Variants in DLX2 observed in about 807,000 individuals in gnomAD.
The protein encoded by DLX2 is distal-less homeobox 2, also known as homeobox protein DLX-2.
Under a neutral mutation model 27.4 loss-of-function variants are expected in DLX2, and 8 were observed. That is an observed-to-expected ratio of 0.29 (90% confidence interval 0.17 to 0.53). The LOEUF (loss-of-function observed/expected upper bound fraction) is 0.53. DLX2 is among the 20% of genes least tolerant of loss of function. The pLI is 0.96. For synonymous variants in DLX2, 210 were observed against 200.8 expected (o/e 1.05, Z -0.39); for missense variants, 421 against 450.9 (o/e 0.93, Z 0.60).
chr2:172,102,517 G>C lies in DLX2; in HGVS notation c.22C>G (p.Leu8Val). 1 of 1,542,552 alleles carries C rather than the reference G, an allele frequency of 6.5e-7. No individual in the cohort carries two copies. The highest frequency in any genetic ancestry group is 8.7e-7 in the Non-Finnish European group (1 of 1,144,306). The part of the protein sequence containing the change: MTGVFDS[L>V]VADMHSTQIA... Reference sequence around the variant, plus strand: ...TGGGTCGAGTGCATATCAGCCACTAGACTGTCAAAGACTCCAGTCATCCTG... The same window carrying C: ...TGGGTCGAGTGCATATCAGCCACTACACTGTCAAAGACTCCAGTCATCCTG... The change falls in exon 1 of 3, where the codon CTA (leucine) becomes GTA (valine). Residue 8 changes from leucine (L) to valine (V), a missense_variant. By Grantham distance (32) the Leu-to-Val change is conservative. Coordinates refer to ENST00000234198, the MANE Select transcript of DLX2 (RefSeq NM_004405.4).
rs973285720 is a variant in DLX2 at position 172,100,057 on chromosome 2, G to A, written c.*486C>T. The A allele has an allele frequency of 2.6e-5, 4 of 152,904 alleles. No individual in the cohort carries two copies. The highest frequency in any genetic ancestry group is 9.6e-5 in the African/African-American group (4 of 41,466). The allele number at this position is 152,904 out of a possible 1,614,324, so 9.5% of individuals were successfully genotyped here. On this transcript the variant is annotated 3_prime_UTR_variant, in exon 3 of 3. Coordinates refer to ENST00000234198, the MANE Select transcript of DLX2 (RefSeq NM_004405.4). The surrounding 1 kb of genome is among the most constrained non-coding windows in gnomAD (Gnocchi z 4.5). ...AAGCGGCGGGGCCGCCCGGGTCAAG[G>A]GGCCACGTGGGGGAGGGCGGGCAGG...
At position 172,102,407 on chromosome 2, in the gene DLX2, G is replaced by A; in HGVS notation, c.132C>T (p.Ser44=). The A allele has an allele frequency of 6.4e-7, 1 of 1,551,072 alleles. No homozygotes were observed. The highest frequency in any genetic ancestry group is 8.7e-7 in the Non-Finnish European group (1 of 1,147,328). The change falls in exon 1 of 3, where the codon AGC becomes AGT. Residue 44 remains serine, a synonymous_variant. Transcript: ENST00000234198. The part of the protein sequence containing the change: ...GAGPGGNSSS[S]SSLHKPQESP... ...ACTCCTGGGGCTTGTGGAGGCTGCT[G>A]CTGCTGCTGCTGTTGCCACCCGGGC...
At position 172,101,497 on chromosome 2, in the gene DLX2, C is replaced by G; in HGVS notation, c.550G>C (p.Glu184Gln). 1 of 1,610,732 alleles carries G rather than the reference C, an allele frequency of 6.2e-7. No individual in the cohort carries two copies. The highest frequency in any genetic ancestry group is 8.5e-7 in the Non-Finnish European group (1 of 1,178,372). Residue 184 changes from glutamate (E) to glutamine (Q), a missense_variant, in exon 2 of 3, where the codon GAG becomes CAG. Glu to Gln is a conservative substitution (Grantham distance 29). This residue lies in a region of DLX2 where 36 missense variants were observed against 73.6 expected (regional missense o/e 0.49). Transcript: ENST00000234198. ...GTGAGGCCCAGAGAGGCCGCCAGCTCGGCTCGCTCCGGCAAGGCCAAGTAT... is the reference window on the plus strand; with the variant it reads ...GTGAGGCCCAGAGAGGCCGCCAGCTGGGCTCGCTCCGGCAAGGCCAAGTAT... The part of the protein sequence containing the change: ...TQYLALPERA[E>Q]LAASLGLTQT...
intron 2 of DLX2, chr2:172,101,222 A>G: frequency 1.6e-6 from 1 of 616,742 alleles, no homozygotes. Context: ...TCACCCGCTT[A>G]ATCAGTAGCG....
In DLX2 at chr2:172,100,886, T is replaced by G; in HGVS notation, c.644A>C (p.Glu215Ala). 1 of 1,612,950 alleles carries G rather than the reference T, an allele frequency of 6.2e-7. No individual in the cohort carries two copies. The highest frequency in any genetic ancestry group is 8.5e-7 in the Non-Finnish European group (1 of 1,179,878). Residue 215 changes from glutamate (E) to alanine (A), a missense_variant, in exon 3 of 3, where the codon GAG (glutamate) becomes GCG (alanine). Coordinates refer to ENST00000234198, the MANE Select transcript of DLX2 (RefSeq NM_004405.4). This position sits in a 1 kb window ranked among gnomAD's most constrained non-coding sequence, Gnocchi z 4.5. ...SKFKKMWKSG[E>A]IPSEQHPGAS... ...CCCAGGGTGCTGCTCCGAGGGGATC[T>G]CACCACTTTTCCACATCTTCTTGAA...
Position 172,102,235 on chromosome 2 carries a change from A to G in DLX2, c.304T>C (p.Tyr102His). ...YQASGLNNVP[Y>H]SAKSSYDLGY... is the part of the protein sequence containing the mutation. ...AGGTCATAGCTGCTCTTGGCGGAGTAAGGGACGTTGTTGAGGCCGCTGGCT... is the reference window on the plus strand; with the variant it reads ...AGGTCATAGCTGCTCTTGGCGGAGTGAGGGACGTTGTTGAGGCCGCTGGCT... The change falls in exon 1 of 3, where the codon TAC becomes CAC. Residue 102 changes from tyrosine (Y) to histidine (H), a missense_variant. Physicochemically the swap from Tyr to His is moderately conservative, Grantham distance 83 (BLOSUM62 2). Transcript: ENST00000234198. 6.2e-7 allele frequency: 1 copy of G among 1,614,140 alleles called. No individual in the cohort carries two copies. Among genetic ancestry groups the G allele is most frequent in the Admixed American group, 1.7e-5 (1 of 60,022 alleles).
In DLX2 at chr2:172,100,503, G is replaced by C. The variant is rs753234204; in HGVS notation, c.*40C>G. ...GGCTCGGGGTAAGCAATGAGGATAA[G>C]TGGTCTCTGCTCTCAGTCTCTGGCG... On this transcript the variant is annotated 3_prime_UTR_variant, in exon 3 of 3. Coordinates refer to ENST00000234198, the MANE Select transcript of DLX2 (RefSeq NM_004405.4). The surrounding 1 kb of genome is among the most constrained non-coding windows in gnomAD (Gnocchi z 4.5). 2.0e-6 allele frequency: 3 copies of C among 1,512,888 alleles called. No homozygotes were observed. Among genetic ancestry groups the C allele is most frequent in the South Asian group, 2.6e-5 (2 of 75,766 alleles). 93.7% of individuals were successfully genotyped at this position (1,512,888 alleles called of 1,614,324 possible). A position where few individuals can be genotyped will look rare whatever the true frequency, so the allele number is the denominator to read the frequency against.
chr2:172,100,871 T>G lies in DLX2; in HGVS notation c.659A>C (p.Gln220Pro). The part of the protein sequence containing the change: ...MWKSGEIPSE[Q>P]HPGASASPPC... ...TGGAGAAGCGCTGGCCCCAGGGTGCTGCTCCGAGGGGATCTCACCACTTTT... is the reference window on the plus strand; with the variant it reads ...TGGAGAAGCGCTGGCCCCAGGGTGCGGCTCCGAGGGGATCTCACCACTTTT... Residue 220 changes from glutamine to proline, a missense_variant, in exon 3 of 3, where the codon CAG becomes CCG. Physicochemically the swap from Gln to Pro is moderately conservative, Grantham distance 76. This residue lies in a region of DLX2 where 185 missense variants were observed against 171.1 expected (regional missense o/e 1.08). Coordinates refer to ENST00000234198, the MANE Select transcript of DLX2 (RefSeq NM_004405.4). This position sits in a 1 kb window ranked among gnomAD's most constrained non-coding sequence, Gnocchi z 4.5. 6.2e-7 allele frequency: 1 copy of G among 1,612,974 alleles called. No homozygotes were observed. The highest frequency in any genetic ancestry group is 8.5e-7 in the Non-Finnish European group (1 of 1,179,910).
In DLX2 at chr2:172,100,812, A is replaced by C. The variant is rs1553501508; in HGVS notation, c.718T>G (p.Ser240Ala). ...CGCTGCGGCACACCAAAGTCCCAGG[A>C]GGCCGGCGCTGAGACTGGCGGCGAA... ...CASPPVSAPA[S>A]WDFGVPQRMA... The change falls in exon 3 of 3, where the codon TCC becomes GCC. Residue 240 changes from serine (S) to alanine (A), a missense_variant. Coordinates refer to ENST00000234198, the MANE Select transcript of DLX2 (RefSeq NM_004405.4). The surrounding 1 kb of genome is among the most constrained non-coding windows in gnomAD (Gnocchi z 4.5). 2 of 1,608,062 alleles carry C rather than the reference A, an allele frequency of 1.2e-6. No homozygotes were observed. The highest frequency in any genetic ancestry group is 1.7e-6 in the Non-Finnish European group (2 of 1,177,646).
intron 2 of DLX2, chr2:172,101,173 A>T: frequency 4.9e-6 from 3 of 617,230 alleles, no homozygotes; most frequent in Non-Finnish European, 8.4e-6. Flanking sequence ...GTGCACTGTG[A>T]TGATGGTGAC....
chr2:172,100,574 C>T lies in DLX2; in HGVS notation c.956G>A (p.Gly319Asp), dbSNP rs1470253187. ...AATCGTCCCCGCGCTCACCGGGGCG[C>T]CCCCGCCGCCGTGATGGTGGTGGTG... ...HHHHHHHGGG[G>D]APVSAGTIF Residue 319 changes from glycine (G) to aspartate (D), a missense_variant, in exon 3 of 3, where the codon GGC becomes GAC. By Grantham distance (94) the Gly-to-Asp change is moderately conservative. Transcript: ENST00000234198. This position sits in a 1 kb window ranked among gnomAD's most constrained non-coding sequence, Gnocchi z 4.5. 6.3e-7 allele frequency: 1 copy of T among 1,577,048 alleles called. No individual in the cohort carries two copies. The highest frequency in any genetic ancestry group is 1.4e-5 in the African/African-American group (1 of 71,188).
Position 172,100,807 on chromosome 2 carries a change from C to G in DLX2, c.723G>C (p.Trp241Cys). The change falls in exon 3 of 3, where the codon TGG (tryptophan) becomes TGC (cysteine). Residue 241 changes from tryptophan (W) to cysteine (C), a missense_variant. Trp to Cys is a radical substitution (Grantham distance 215). Around this residue, in one of 5 missense-constraint regions of DLX2, gnomAD observed 185 missense variants for 171.1 expected, o/e 1.08. Coordinates refer to ENST00000234198, the MANE Select transcript of DLX2 (RefSeq NM_004405.4). This position sits in a 1 kb window ranked among gnomAD's most constrained non-coding sequence, Gnocchi z 4.5. ...ASPPVSAPAS[W>C]DFGVPQRMAG... ...CCATCCGCTGCGGCACACCAAAGTC[C>G]CAGGAGGCCGGCGCTGAGACTGGCG... 1 of 1,605,816 alleles carries G rather than the reference C, an allele frequency of 6.2e-7. No individual in the cohort carries two copies. Among genetic ancestry groups the G allele is most frequent in the Non-Finnish European group, 8.5e-7 (1 of 1,176,408 alleles).
In DLX2 at chr2:172,102,621, A is replaced by G; in HGVS notation, c.-83T>C. ...TCCTCTGTCTCTCCCGGTCCCCTCC[A>G]GCAGCCAATGTAATTACGGGGGTGG... On this transcript the variant is annotated 5_prime_UTR_variant, in exon 1 of 3. Coordinates refer to ENST00000234198, the MANE Select transcript of DLX2 (RefSeq NM_004405.4). 1 of 1,350,446 alleles carries G rather than the reference A, an allele frequency of 7.4e-7. No individual in the cohort carries two copies. Among genetic ancestry groups the G allele is most frequent in the Non-Finnish European group, 9.9e-7 (1 of 1,011,606 alleles). The allele number at this position is 1,350,446 out of a possible 1,614,324, so 83.7% of individuals were successfully genotyped here. A position where few individuals can be genotyped will look rare whatever the true frequency, so the allele number is the denominator to read the frequency against.
Position 172,100,562 on chromosome 2 carries a change from C to T in DLX2, c.968G>A (p.Ser323Asn). 1.3e-6 allele frequency: 2 copies of T among 1,577,616 alleles called. No homozygotes were observed. The highest frequency in any genetic ancestry group is 8.6e-7 in the Non-Finnish European group (1 of 1,165,998). The change falls in exon 3 of 3, where the codon AGC (serine) becomes AAC (asparagine). Residue 323 changes from serine to asparagine, a missense_variant. By Grantham distance (46) the Ser-to-Asn change is conservative (BLOSUM62 1). Around this residue, in one of 5 missense-constraint regions of DLX2, gnomAD observed 185 missense variants for 171.1 expected, o/e 1.08. Coordinates refer to ENST00000234198, the MANE Select transcript of DLX2 (RefSeq NM_004405.4). This position sits in a 1 kb window ranked among gnomAD's most constrained non-coding sequence, Gnocchi z 4.5. ...HHHGGGGAPV[S>N]AGTIF Reference sequence around the variant, plus strand: ...CTGGGGTTAGAAAATCGTCCCCGCGCTCACCGGGGCGCCCCCGCCGCCGTG... The same window carrying T: ...CTGGGGTTAGAAAATCGTCCCCGCGTTCACCGGGGCGCCCCCGCCGCCGTG...
rs199559547 is a variant in DLX2 at position 172,100,816 on chromosome 2, C to G, written c.714G>C (p.Pro238=). Residue 238 remains proline (P), a synonymous_variant, in exon 3 of 3, where the codon CCG becomes CCC. Coordinates refer to ENST00000234198, the MANE Select transcript of DLX2 (RefSeq NM_004405.4). This position sits in a 1 kb window ranked among gnomAD's most constrained non-coding sequence, Gnocchi z 4.5. ...GCGGCACACCAAAGTCCCAGGAGGCCGGCGCTGAGACTGGCGGCGAAGCAC... is the reference window on the plus strand; with the variant it reads ...GCGGCACACCAAAGTCCCAGGAGGCGGGCGCTGAGACTGGCGGCGAAGCAC... ...PPCASPPVSA[P]ASWDFGVPQR... is the part of the protein sequence containing the mutation. 3.1e-4 allele frequency: 491 copies of G among 1,609,048 alleles called. No individual in the cohort carries two copies. Among genetic ancestry groups the G allele is most frequent in the Non-Finnish European group, 3.9e-4 (465 of 1,178,134 alleles).
In DLX2 at chr2:172,100,487, T is replaced by G; in HGVS notation, c.*56A>C. 6.8e-7 allele frequency: 1 copy of G among 1,476,626 alleles called. No individual in the cohort carries two copies. Among genetic ancestry groups the G allele is most frequent in the Non-Finnish European group, 9.0e-7 (1 of 1,115,734 alleles). The allele number at this position is 1,476,626 out of a possible 1,614,324, so 91.5% of individuals were successfully genotyped here. On this transcript the variant is annotated 3_prime_UTR_variant, in exon 3 of 3. Coordinates refer to ENST00000234198, the MANE Select transcript of DLX2 (RefSeq NM_004405.4). This position sits in a 1 kb window ranked among gnomAD's most constrained non-coding sequence, Gnocchi z 4.5. ...GGGAGGAGGGAACCCCGGCTCGGGG[T>G]AAGCAATGAGGATAAGTGGTCTCTG...
intron 1 of DLX2, 145 bp from the exon 2 acceptor site, chr2:172,101,791 AG>A (rs1691163453): frequency 1.0e-6 from 1 of 983,522 alleles, no homozygotes; most frequent in Non-Finnish European, 1.5e-6. Flanking sequence ...GCAACTTCGC[AG>A]CGTGCGATCG....
rs2105531077 is a variant in DLX2, at chr2:172,099,469, C to T, written c.*1074G>A. Reference sequence around the variant, plus strand: ...GAAAACAATAATTTATTTAAATAATCTCTTCATATTGTAAAATCAACATTA... The same window carrying T: ...GAAAACAATAATTTATTTAAATAATTTCTTCATATTGTAAAATCAACATTA... On this transcript the variant is annotated 3_prime_UTR_variant, in exon 3 of 3. Coordinates refer to ENST00000234198, the MANE Select transcript of DLX2 (RefSeq NM_004405.4). 6.5e-6 allele frequency: 1 copy of T among 152,776 alleles called. No homozygotes were observed. Among genetic ancestry groups the T allele is most frequent in the Admixed American group, 6.5e-5 (1 of 15,308 alleles). 9.5% of individuals were successfully genotyped at this position (152,776 alleles called of 1,614,324 possible).
chr2:172,102,357 G>C lies in DLX2; in HGVS notation c.182C>G (p.Ala61Gly). 1 of 1,581,392 alleles carries C rather than the reference G, an allele frequency of 6.3e-7. No homozygotes were observed. Among genetic ancestry groups the C allele is most frequent in the Non-Finnish European group, 8.6e-7 (1 of 1,163,550 alleles). Reference protein sequence around the residue: ...QESPTLPVSTATDSSYYTNQQ... With the variant: ...QESPTLPVSTGTDSSYYTNQQ... ...GTTGGTGTAGTAGCTGCTGTCGGTG[G>C]CGGTGGACACCGGAAGGGTGGGCGA... is the stretch of plus-strand genomic sequence containing the variant. The change falls in exon 1 of 3, where the codon GCC (alanine) becomes GGC (glycine). Residue 61 changes from alanine (A) to glycine (G), a missense_variant. Ala to Gly is a moderately conservative substitution (Grantham distance 60, BLOSUM62 0). This residue lies in a region of DLX2 where 141 missense variants were observed against 123.5 expected (regional missense o/e 1.14). Transcript: ENST00000234198.
Sources: gnomAD v4.1 joint callset for allele counts on GRCh38, gnomAD v4.1.1 for gene constraint, gnomAD v4.1.1 regional missense constraint, Gnocchi (gnomAD v3.1) non-coding constraint, MANE v1.5 for transcripts, NCBI Gene and HGNC (gene_info 2026-07-23, HGNC 2026-07-21) for gene names.